The following BRINP3 variants were observed in gnomAD, a reference collection of about 807,000 sequenced individuals.
BRINP3 encodes the protein BMP/retinoic acid-inducible neural-specific protein 3.
Under a neutral mutation model 71.0 loss-of-function variants are expected in BRINP3, and 19 were observed. The observed-to-expected ratio is 0.27, with a 90% CI of 0.19 to 0.39. The LOEUF is 0.39. Among genes scored for constraint, BRINP3 ranks in the 10% least tolerant of loss-of-function variants. The pLI, the probability that BRINP3 is intolerant of heterozygous loss-of-function variation, is 1.00. For synonymous variants in BRINP3, 380 were observed against 337.7 expected, an observed-to-expected ratio of 1.13 and a Z score of -1.37; for missense variants, 959 against 940.8, an observed-to-expected ratio of 1.02 and a Z score of -0.25.
chr1:190,220,951 A>G (rs1292446517), intron 6 of BRINP3, among the ~76,000 whole-genome samples: 1 of 152,200 alleles, frequency 6.6e-6, no homozygotes, highest in Admixed American at 6.6e-5. Flanking sequence ...AAAATCTGTC[A>G]AAAACAGTAA....
intron 2 of BRINP3, among the ~76,000 whole-genome samples, chr1:190,346,175 C>A (rs963213960): frequency 1.3e-5 from 2 of 151,788 alleles, no homozygotes; most frequent in Non-Finnish European, 2.9e-5. Context: ...AAACATAAAA[C>A]AAATTTTAAA....
At chr1:190,283,098 T>A (rs781591910) in intron 2 of BRINP3, among the ~76,000 whole-genome samples, 12 of 151,948 alleles carry the variant, frequency 7.9e-5, no homozygotes, top group Non-Finnish European at 1.2e-4. Context: ...AAACAGCCCA[T>A]TTTTGTCACT....
chr1:190,232,660 G>A (rs957016894), intron 5 of BRINP3, among the ~76,000 whole-genome samples: 10 of 152,064 alleles, frequency 6.6e-5, no homozygotes, highest in African/African-American at 2.4e-4. Context: ...TATTCCTTGT[G>A]TTAATTATTT....
At chr1:190,135,601 T>C (rs1208506971) in intron 7 of BRINP3, among the ~76,000 whole-genome samples, 2 of 152,072 alleles carry the variant, frequency 1.3e-5, no homozygotes, top group South Asian at 2.1e-4. Flanking sequence ...ATGACAAATA[T>C]GTTTGTTTTT....
intron 2 of BRINP3, among the ~76,000 whole-genome samples, chr1:190,450,486 T>C (rs1402031523): frequency 6.6e-6 from 1 of 152,148 alleles, no homozygotes; most frequent in Non-Finnish European, 1.5e-5. Context: ...TGAAGTGATT[T>C]CTATCTGGAT....
chr1:190,424,332 T>A (rs891294584), intron 2 of BRINP3, among the ~76,000 whole-genome samples: 1 of 151,592 alleles, frequency 6.6e-6, no homozygotes, highest in Non-Finnish European at 1.5e-5. Context: ...GTATTGCCCC[T>A]TTGTTGCCCC....
intron 3 of BRINP3, among the ~76,000 whole-genome samples, chr1:190,280,678 T>G (rs542491971): frequency 5.3e-5 from 8 of 151,920 alleles, no homozygotes; most frequent in Non-Finnish European, 8.8e-5. Flanking sequence ...CCGGCTATCT[T>G]TGGTAAACCC....
intron 2 of BRINP3, among the ~76,000 whole-genome samples, chr1:190,348,812 C>T (rs879455623): frequency 4.6e-5 from 7 of 152,086 alleles, no homozygotes; most frequent in Non-Finnish European, 8.8e-5. Flanking sequence ...TTCACATTAA[C>T]CTTATTTAAC....
intron 5 of BRINP3, among the ~76,000 whole-genome samples, 172 bp downstream of exon 5, chr1:190,234,200 G>C (rs1252752673): frequency 6.6e-6 from 1 of 151,998 alleles, no homozygotes; most frequent in East Asian, 1.9e-4. Context: ...TTATTCATAT[G>C]GTCTAGAATT....
chr1:190,362,163 T>C (rs1558217968), intron 2 of BRINP3: 2 of 152,174 alleles, frequency 1.3e-5, no homozygotes, highest in African/African-American at 2.4e-5. Context: ...GACTTCCAGA[T>C]TTCTGAAGAA....
intron 3 of BRINP3, among the ~76,000 whole-genome samples, chr1:190,266,147 G>A (rs1402518716): frequency 1.3e-5 from 2 of 152,198 alleles, no homozygotes; most frequent in African/African-American, 4.8e-5. Flanking sequence ...CAAACTTGCT[G>A]TTTTCATTCT....
At chr1:190,414,837 CA>C (rs1474582031) in intron 2 of BRINP3, among the ~76,000 whole-genome samples, 8 of 152,250 alleles carry the variant, frequency 5.3e-5, no homozygotes, top group Admixed American at 3.9e-4. Context: ...CTCTGAGAAG[CA>C]TTCAAATCAA....
intron 1 of BRINP3, among the ~76,000 whole-genome samples, chr1:190,466,923 C>A (rs1676794985): frequency 6.6e-6 from 1 of 151,166 alleles, no homozygotes; most frequent in African/African-American, 2.4e-5. Context: ...GAAATGTTTC[C>A]ATTAAAAAGA....
At chr1:190,207,213 T>C (rs116670345) in intron 6 of BRINP3, among the ~76,000 whole-genome samples, 155 of 152,218 alleles carry the variant, frequency 1.0e-3, no homozygotes, top group Non-Finnish European at 1.9e-3. Context: ...AAATTGTCTG[T>C]CTGTCAGTTT....
At chr1:190,118,949 G>T (rs923180515) in intron 7 of BRINP3, among the ~76,000 whole-genome samples, 3 of 152,012 alleles carry the variant, frequency 2.0e-5, no homozygotes, top group Non-Finnish European at 4.4e-5. Flanking sequence ...TCTCTCATCA[G>T]GCCATTTTAT....
At chr1:190,231,046 C>T (rs1553265603) in intron 5 of BRINP3, among the ~76,000 whole-genome samples, 1 of 151,286 alleles carries the variant, frequency 6.6e-6, no homozygotes, top group Non-Finnish European at 1.5e-5. Context: ...AAAAATATTT[C>T]TGACAAATTA....
At chr1:190,412,648 G>T (rs940518129) in intron 2 of BRINP3, among the ~76,000 whole-genome samples, 1 of 150,756 alleles carries the variant, frequency 6.6e-6, no homozygotes, top group African/African-American at 2.4e-5. Context: ...ATTTTTAGTA[G>T]AGACGGGGTT....
At chr1:190,275,934 TA>T (rs1270375940) in intron 3 of BRINP3, among the ~76,000 whole-genome samples, 4 of 151,210 alleles carry the variant, frequency 2.6e-5, no homozygotes, top group African/African-American at 9.7e-5. Flanking sequence ...TTATTTTATT[TA>T]CCAGTGAAAC....
chr1:190,151,490 T>C (rs1313095259), intron 7 of BRINP3, among the ~76,000 whole-genome samples: 1 of 152,158 alleles, frequency 6.6e-6, no homozygotes, highest in African/African-American at 2.4e-5. Context: ...TTCTCTCATA[T>C]GTAAGTTCAT....
Sources: gnomAD v4.1 joint callset for allele counts (sites outside exome capture counted in the v4.1 genomes callset) on GRCh38, gnomAD v4.1.1 for gene constraint, MANE v1.5 for transcripts, NCBI Gene and HGNC (gene_info 2026-07-23, HGNC 2026-07-21) for gene names.